Variants in HS3ST4 observed in about 807,000 individuals in gnomAD.
HS3ST4 encodes the protein heparan sulfate glucosamine 3-O-sulfotransferase 4.
In HS3ST4, 17 loss-of-function variants were observed where a neutral mutation model predicts 29.2. The observed-to-expected ratio is 0.58, with a 90% CI of 0.40 to 0.87. The LOEUF is 0.87. HS3ST4 is among the 40% of genes least tolerant of loss of function. The probability of loss-of-function intolerance (pLI) is 0.00; values close to 1 mark genes in which losing one functional copy is unlikely to be tolerated. For missense variants in HS3ST4, 627 were observed against 634.5 expected (o/e 0.99, Z 0.13); for synonymous variants, 314 against 285.7 (o/e 1.10, Z -1.00).
At chr16:25,813,869 G>A (rs189267178) in intron 1 of HS3ST4, among the ~76,000 whole-genome samples, 2 of 152,306 alleles carry the variant, frequency 1.3e-5, no homozygotes, top group Admixed American at 6.5e-5. Flanking sequence ...ATAAATTGTG[G>A]TGAGATAGGA....
chr16:25,873,236 A>G (rs1196414447), intron 1 of HS3ST4, among the ~76,000 whole-genome samples: 4 of 151,618 alleles, frequency 2.6e-5, no homozygotes, highest in East Asian at 1.9e-4. Flanking sequence ...CCATCCACCT[A>G]TCCATCCAGC....
At chr16:25,985,408 G>A (rs1359156599) in intron 1 of HS3ST4, among the ~76,000 whole-genome samples, 3 of 151,600 alleles carry the variant, frequency 2.0e-5, no homozygotes, top group Admixed American at 1.3e-4. Flanking sequence ...GAAGTGGTAG[G>A]GTACAAAAAT....
intron 1 of HS3ST4, among the ~76,000 whole-genome samples, chr16:25,912,019 C>T (rs751340564): frequency 1.3e-5 from 2 of 152,094 alleles, no homozygotes; most frequent in East Asian, 1.9e-4. Flanking sequence ...GACCAGAAAG[C>T]GTGTGGAGGC....
At chr16:25,986,119 A>G (rs891321348) in intron 1 of HS3ST4, among the ~76,000 whole-genome samples, 1 of 152,168 alleles carries the variant, frequency 6.6e-6, no homozygotes, top group Non-Finnish European at 1.5e-5. Flanking sequence ...AATTGCCAGC[A>G]TCCTCTATCA....
intron 1 of HS3ST4, among the ~76,000 whole-genome samples, chr16:25,961,279 G>A: frequency 6.6e-6 from 1 of 152,184 alleles, no homozygotes; most frequent in South Asian, 2.1e-4. Flanking sequence ...ATGGAGGTAA[G>A]AAGAGAAGAG....
intron 1 of HS3ST4, among the ~76,000 whole-genome samples, chr16:25,798,271 C>T (rs1034462877): frequency 2.6e-5 from 4 of 152,274 alleles, no homozygotes; most frequent in African/African-American, 9.6e-5. Flanking sequence ...GTGTATCAGT[C>T]AGTTTAGGCT....
chr16:26,002,869 A>G (rs1018544693), intron 1 of HS3ST4, among the ~76,000 whole-genome samples: 5 of 152,112 alleles, frequency 3.3e-5, no homozygotes, highest in Admixed American at 6.5e-5. Flanking sequence ...GAGTTATTCA[A>G]TATTTGATAT....
chr16:26,056,658 C>A (rs966358660), intron 1 of HS3ST4, among the ~76,000 whole-genome samples: 1 of 152,194 alleles, frequency 6.6e-6, no homozygotes, highest in South Asian at 2.1e-4. Context: ...GTAGACAGAG[C>A]TTCTCCCTGC....
rs535500202 is a variant in HS3ST4, at chr16:25,908,815, C to G, written c.734+215664C>G. ...AGGAGCAAATCCTTAGGAAAAGAAG[C>G]CTTAACAACCAAGGAAGGCATCAGA... On this transcript the variant is annotated intron_variant, in intron 1 of 1. Coordinates refer to ENST00000331351, the MANE Select transcript of HS3ST4 (RefSeq NM_006040.3). Among the ~76,000 whole-genome samples, 116 of 152,312 alleles carry G rather than the reference C, an allele frequency of 7.6e-4. 1 individual carries two copies. In the South Asian group the frequency reaches 0.023, roughly 30 times the overall value.
At chr16:25,746,354 G>A (rs975058210) in intron 1 of HS3ST4, among the ~76,000 whole-genome samples, 2 of 152,152 alleles carry the variant, frequency 1.3e-5, no homozygotes, top group Non-Finnish European at 2.9e-5. Context: ...GGATCCTGAA[G>A]GAATTTTTCC....
chr16:25,782,407 C>T (rs1295612538), intron 1 of HS3ST4, among the ~76,000 whole-genome samples: 1 of 152,190 alleles, frequency 6.6e-6, no homozygotes, highest in Non-Finnish European at 1.5e-5. Flanking sequence ...TCTCCTTCCC[C>T]CAAGTTGTCT....
At chr16:25,888,784 A>C (rs1967979390) in intron 1 of HS3ST4, among the ~76,000 whole-genome samples, 1 of 152,224 alleles carries the variant, frequency 6.6e-6, no homozygotes, top group Admixed American at 6.5e-5. Flanking sequence ...AGGTATTCAC[A>C]ACAACAACAA....
intron 1 of HS3ST4, among the ~76,000 whole-genome samples, chr16:25,740,861 C>T (rs1317245896): frequency 6.6e-6 from 1 of 152,110 alleles, no homozygotes; most frequent in Non-Finnish European, 1.5e-5. Context: ...GGATGGAGTT[C>T]CCCTAATTAT....
At chr16:26,079,371 G>A (rs1471796092) in intron 1 of HS3ST4, among the ~76,000 whole-genome samples, 3 of 152,218 alleles carry the variant, frequency 2.0e-5, no homozygotes, top group African/African-American at 7.2e-5. Flanking sequence ...TCAAGGAAAA[G>A]TAGTCAAGCT....
intron 1 of HS3ST4, among the ~76,000 whole-genome samples, chr16:25,705,538 A>C (rs956947621): frequency 6.6e-6 from 1 of 152,030 alleles, no homozygotes; most frequent in East Asian, 1.9e-4. Context: ...GGTGGCACGC[A>C]CCTGTAGTCC....
At chr16:26,078,414 C>T (rs1033093150) in intron 1 of HS3ST4, among the ~76,000 whole-genome samples, 5 of 152,160 alleles carry the variant, frequency 3.3e-5, no homozygotes, top group South Asian at 2.1e-4. Context: ...TCCCAAAGTG[C>T]TGGGATTACA....
At chr16:25,891,518 A>G (rs151024558) in intron 1 of HS3ST4, among the ~76,000 whole-genome samples, 4 of 152,186 alleles carry the variant, frequency 2.6e-5, no homozygotes, top group Non-Finnish European at 5.9e-5. Flanking sequence ...GCCAGGTAGA[A>G]CACTTACATG....
chr16:25,870,969 C>G (rs1403472609), intron 1 of HS3ST4, among the ~76,000 whole-genome samples: 2 of 152,154 alleles, frequency 1.3e-5, no homozygotes, highest in Non-Finnish European at 2.9e-5. Context: ...ATCTTGGACT[C>G]TAGTTGTTTA....
intron 1 of HS3ST4, among the ~76,000 whole-genome samples, chr16:25,784,073 G>T (rs1402150911): frequency 1.3e-5 from 2 of 152,120 alleles, no homozygotes; most frequent in Non-Finnish European, 2.9e-5. Flanking sequence ...CTGTTATGAT[G>T]ATCTGTGATC....
Sources: allele counts gnomAD v4.1 joint callset (sites outside exome capture counted in the v4.1 genomes callset), GRCh38; gene constraint gnomAD v4.1.1; transcripts MANE v1.5; gene names NCBI Gene and HGNC (gene_info 2026-07-23, HGNC 2026-07-21).